SPG11: variants seen among roughly 807,000 people sequenced by gnomAD.
SPG11 encodes the protein SPG11 vesicle trafficking associated, spatacsin.
SPG11 carries 222 observed loss-of-function variants against 274.0 expected under a neutral mutation model. The ratio of observed to expected loss-of-function variants is 0.81; its 90% confidence interval spans 0.73 to 0.91. The LOEUF (loss-of-function observed/expected upper bound fraction) is 0.91, where lower values mean the gene tolerates loss of function less well. SPG11 is among the 40% of genes least tolerant of loss of function. The probability of loss-of-function intolerance (pLI) is 0.00; values close to 1 mark genes in which losing one functional copy is unlikely to be tolerated. For missense variants in SPG11, 3,114 were observed against 2,872.7 expected (o/e 1.08, Z -1.92); for synonymous variants, 1,144 against 1,039.7 (o/e 1.10, Z -1.93).
At position 44,633,543 on chromosome 15, in the gene SPG11, T is replaced by A; in HGVS notation, c.1697A>T (p.Asp566Val). Residue 566 changes from aspartate (D) to valine (V), a missense_variant, in exon 8 of 40, where the codon GAT (aspartate) becomes GTT (valine). Physicochemically the swap from Asp to Val is radical, Grantham distance 152. Transcript: ENST00000261866. ...FNPSSKSSVS[D>V]QFDHLSSHLY... The stretch of plus-strand genomic sequence containing the variant: ...ATGGGATGACAAGTGATCAAACTGA[T>A]CAGATACAGAAGATTTTGAGGATGG... The A allele has an allele frequency of 6.2e-7, 1 of 1,609,822 alleles. No individual in the cohort carries two copies. Among genetic ancestry groups the A allele is most frequent in the Non-Finnish European group, 8.5e-7 (1 of 1,176,566 alleles).
intron 23 of SPG11, 135 bp from the exon 24 acceptor site, chr15:44,597,078 T>A (rs548580125): frequency 4.2e-6 from 3 of 722,870 alleles, no homozygotes; most frequent in Non-Finnish European, 6.8e-6. Flanking sequence ...AAATACTAAA[T>A]ATTTATTAGG....
intron 26 of SPG11, among the ~76,000 whole-genome samples, chr15:44,593,332 G>A (rs1400346484): frequency 6.6e-6 from 1 of 152,104 alleles, no homozygotes; most frequent in Non-Finnish European, 1.5e-5. Context: ...GCTGGGACTA[G>A]AGGTGCGTGC....
chr15:44,659,539 A>T (rs1034891927), intron 2 of SPG11, among the ~76,000 whole-genome samples: 1 of 152,174 alleles, frequency 6.6e-6, no homozygotes, highest in Non-Finnish European at 1.5e-5. Context: ...CTGACAGCAC[A>T]CTAGAAGGAG....
In SPG11 at chr15:44,621,831, C is replaced by A. The variant is rs574042879; in HGVS notation, c.2548G>T (p.Val850Leu). 37 of 1,613,798 alleles carry A rather than the reference C, an allele frequency of 2.3e-5. 1 individual carries two copies. In the South Asian group the frequency reaches 4.0e-4, roughly 17 times the overall value. The change falls in exon 14 of 40, where the codon GTG becomes TTG. Residue 850 changes from valine (V) to leucine (L), a missense_variant. Val to Leu is a conservative substitution (Grantham distance 32). Transcript: ENST00000261866. ...TCCCACCACAGAGCCCAATTTAACA[C>A]AATTCTATGGTCCTGTTTGTTAAAT... ...DEFNKQDHRI[V>L]LNWALWWDQL...
chr15:44,638,461 AAAACAAAC>A (rs768509241), intron 7 of SPG11, among the ~76,000 whole-genome samples: 89 of 151,618 alleles, frequency 5.9e-4, no homozygotes, highest in African/African-American at 2.0e-3. Context: ...ACTCCATCTC[AAAACAAAC>A]AAACAAACAA....
At chr15:44,587,650 C>G (rs944209505) in intron 28 of SPG11, among the ~76,000 whole-genome samples, 1 of 126,814 alleles carries the variant, frequency 7.9e-6, no homozygotes, top group Non-Finnish European at 1.6e-5. Flanking sequence ...GAGCTGAGAA[C>G]GTGCCACTGC....
chr15:44,622,388 T>C (rs2083778638), intron 12 of SPG11, 41 bp from the exon 13 acceptor site: 1 of 1,494,248 alleles, frequency 6.7e-7, no homozygotes, highest in South Asian at 1.2e-5. Flanking sequence ...TTACAAAAAA[T>C]CAAGCACTTT....
chr15:44,575,493 C>CTT (rs35699941), intron 30 of SPG11, among the ~76,000 whole-genome samples: 16 of 138,476 alleles, frequency 1.2e-4, no homozygotes, highest in East Asian at 4.2e-4. Flanking sequence ...CTCCAACATA[C>CTT]TTTTTTTTTT....
chr15:44,629,796 CG>C (rs1567175505), intron 8 of SPG11, among the ~76,000 whole-genome samples: 2 of 149,592 alleles, frequency 1.3e-5, no homozygotes, highest in Non-Finnish European at 3.0e-5. Flanking sequence ...CAGGGCCGGG[CG>C]CAGTGGCTCA....
chr15:44,635,155 G>A (rs2084200978), intron 7 of SPG11, among the ~76,000 whole-genome samples: 1 of 152,124 alleles, frequency 6.6e-6, no homozygotes, highest in African/African-American at 2.4e-5. Flanking sequence ...GGTGGAGGTT[G>A]TGGTGAGCCA....
chr15:44,611,893 C>T (rs1341184482), intron 17 of SPG11, among the ~76,000 whole-genome samples: 2 of 147,086 alleles, frequency 1.4e-5, no homozygotes, highest in Non-Finnish European at 3.0e-5. Flanking sequence ...GCAAGCTCCA[C>T]CTCCCCAGTT....
At chr15:44,607,194 T>C (rs1400184929) in intron 19 of SPG11, among the ~76,000 whole-genome samples, 1 of 152,250 alleles carries the variant, frequency 6.6e-6, no homozygotes, top group Non-Finnish European at 1.5e-5. Context: ...CAACAAGCAG[T>C]ATACAAGTGC....
rs1001253930 is a variant in SPG11 at position 44,657,895 on chromosome 15, C to T, written c.668-599G>A. 1.4e-4 allele frequency among the ~76,000 whole-genome samples: 22 copies of T among 152,222 alleles called. 1 individual carries two copies. Among genetic ancestry groups the T allele is most frequent in the African/African-American group, 4.8e-4 (20 of 41,462 alleles). On this transcript the variant is annotated intron_variant, in intron 3 of 39. Transcript: ENST00000261866. Reference sequence around the variant, plus strand: ...AACAAAAATTAGCTGGGCGTGGCGGCCCATGCCTATAGTCCCAGCTACTCG... The same window carrying T: ...AACAAAAATTAGCTGGGCGTGGCGGTCCATGCCTATAGTCCCAGCTACTCG...
intron 1 of SPG11, 85 bp downstream of exon 1, chr15:44,663,306 G>A: frequency 6.5e-7 from 1 of 1,527,612 alleles, no homozygotes; most frequent in Admixed American, 1.9e-5. Flanking sequence ...GCTGCAGGGA[G>A]GCCTCGGCGT....
intron 7 of SPG11, 35 bp from the exon 8 acceptor site, chr15:44,633,672 A>T: frequency 6.2e-7 from 1 of 1,603,766 alleles, no homozygotes; most frequent in Non-Finnish European, 8.5e-7. Flanking sequence ...TCAGAAAAAA[A>T]TTACAATAGG....
In SPG11 at chr15:44,628,821, C is replaced by T; in HGVS notation, c.1915G>A (p.Gly639Arg). The T allele has an allele frequency of 1.9e-6, 3 of 1,613,406 alleles. No individual in the cohort carries two copies. The highest frequency in any genetic ancestry group is 1.7e-6 in the Non-Finnish European group (2 of 1,179,944). ...TEELDEHLQK[G>R]VNILTSYINE... is the part of the protein sequence containing the mutation. ...ATGTAGCTAGTCAAAATGTTCACTC[C>T]TTTTTGCAGATGTTCATCTAGTTCT... is the stretch of plus-strand genomic sequence containing the variant. The change falls in exon 10 of 40, where the codon GGA (glycine) becomes AGA (arginine). Residue 639 changes from glycine (G) to arginine (R), a missense_variant. Transcript: ENST00000261866.
rs1013215560 is a variant in SPG11 at position 44,658,980 on chromosome 15, C to T, written c.667+99G>A. 1.4e-5 allele frequency: 16 copies of T among 1,123,164 alleles called. No homozygotes were observed. In the Admixed American group the frequency reaches 2.8e-4, roughly 20 times the overall value. 69.6% of individuals were successfully genotyped at this position (1,123,164 alleles called of 1,614,324 possible). Reference sequence around the variant, plus strand: ...TTTTACTGAAAAACTAACCACACTTCCTATATCCCAGCTCCCAAAACTAAA... The same window carrying T: ...TTTTACTGAAAAACTAACCACACTTTCTATATCCCAGCTCCCAAAACTAAA... On this transcript the variant is annotated intron_variant, in intron 3 of 39. Transcript: ENST00000261866.
chr15:44,612,783 C>A (rs1356281505), intron 17 of SPG11, among the ~76,000 whole-genome samples: 1 of 151,624 alleles, frequency 6.6e-6, no homozygotes, highest in Non-Finnish European at 1.5e-5. Context: ...CATGCAAAAC[C>A]AAAAAACAAA....
At chr15:44,634,154 T>C (rs1054055108) in intron 7 of SPG11, among the ~76,000 whole-genome samples, 12 of 152,136 alleles carry the variant, frequency 7.9e-5, no homozygotes, top group African/African-American at 2.4e-4. Context: ...TCTGCTTCAA[T>C]AGAAACAGGA....
Sources: gnomAD v4.1 joint callset for allele counts (sites outside exome capture counted in the v4.1 genomes callset) on GRCh38, gnomAD v4.1.1 for gene constraint, MANE v1.5 for transcripts, NCBI Gene and HGNC (gene_info 2026-07-23, HGNC 2026-07-21) for gene names.